ZNF483: variants seen among roughly 807,000 people sequenced by gnomAD.
The protein encoded by ZNF483 is zinc finger protein 483, also known as zinc finger protein HIT-10.
In ZNF483, 9 loss-of-function variants were observed where a neutral mutation model predicts 28.6. The observed-to-expected ratio is 0.32, with a 90% CI of 0.19 to 0.55. ZNF483 has a LOEUF of 0.55. Ranked by LOEUF, ZNF483 falls within the 20% of genes least tolerant of loss-of-function variation. The probability of loss-of-function intolerance (pLI) is 0.93; values close to 1 mark genes in which losing one functional copy is unlikely to be tolerated. For missense variants in ZNF483, 675 were observed against 871.7 expected (o/e 0.77, Z 2.84); for synonymous variants, 322 against 306.2 (o/e 1.05, Z -0.54).
chr9:111,527,891 G>C (rs1243406237), intron 2 of ZNF483, 84 bp downstream of exon 2: 1 of 1,605,930 alleles, frequency 6.2e-7, no homozygotes, highest in African/African-American at 1.3e-5. Context: ...GCAATTTACT[G>C]CTAAAGAGGA....
downstream of ZNF483, among the ~76,000 whole-genome samples, chr9:111,559,865 CA>C (rs1316932471): frequency 6.6e-6 from 1 of 152,188 alleles, no homozygotes. Context: ...CCCTGTCCTT[CA>C]GGCATTCCTT....
In ZNF483 at chr9:111,549,777, T is replaced by A. The variant is rs1232166201; in HGVS notation, c.*6607T>A. On this transcript the variant is annotated 3_prime_UTR_variant, in exon 6 of 6. Transcript: ENST00000309235. ...TCATTTTTCTGCTTTGAAGCTTCAA[T>A]CTTCTTCATTTTCTCTTTTGATCTG... The A allele has an allele frequency of 1.3e-6, 2 of 1,548,212 alleles. No homozygotes were observed. The highest frequency in any genetic ancestry group is 3.9e-5 in the Admixed American group (2 of 50,932).
chr9:111,577,962 G>C (rs76986254), downstream of ZNF483: 10,412 of 152,194 alleles, frequency 0.068, 547 homozygotes, highest in East Asian at 0.25. Flanking sequence ...GGGGAGGAGG[G>C]TGGTAATGGA....
chr9:111,572,756 CAAAAAAAA>C (rs58101079), intron 5 of ZNF483, among the ~76,000 whole-genome samples: 23 of 63,498 alleles, frequency 3.6e-4, no homozygotes, highest in East Asian at 2.0e-3. Context: ...GACCCTGTCT[CAAAAAAAA>C]AAAAAAAAAA....
At chr9:111,537,189 A>G (rs777682142) in intron 5 of ZNF483, among the ~76,000 whole-genome samples, 26 of 151,986 alleles carry the variant, frequency 1.7e-4, no homozygotes, top group Non-Finnish European at 1.8e-4. Context: ...TCCTGGAGAC[A>G]TAAACTGCTT....
At chr9:111,563,424 C>A (rs530909530) in intron 5 of ZNF483, 26 of 489,284 alleles carry the variant, frequency 5.3e-5, no homozygotes, top group African/African-American at 4.8e-4. Flanking sequence ...AAAAAGATTA[C>A]AAAGTACACC....
downstream of ZNF483, among the ~76,000 whole-genome samples, chr9:111,557,537 C>G (rs1289224956): frequency 6.6e-6 from 1 of 151,874 alleles, no homozygotes; most frequent in Non-Finnish European, 1.5e-5. Context: ...CCTCCGCCTC[C>G]CGGGTTCAAG....
chr9:111,527,522 G>T lies in ZNF483; in HGVS notation c.127G>T (p.Gly43Ter), dbSNP rs770764843. The T allele has an allele frequency of 6.2e-7, 1 of 1,614,216 alleles. No homozygotes were observed. Residue 43 changes from glycine to a stop codon, truncating the protein, a stop_gained, in exon 2 of 6, where the codon GGA (glycine) becomes TGA (stop). Coordinates refer to ENST00000309235, the MANE Select transcript of ZNF483 (RefSeq NM_133464.5). LOFTEE classifies it high-confidence loss of function. Reference sequence around the variant, plus strand: ...TGGGGAACAAGAAGCTATTTTAAGAGGAAATGCTGCTGATGCAGAGTCTTT... The same window carrying T: ...TGGGGAACAAGAAGCTATTTTAAGATGAAATGCTGCTGATGCAGAGTCTTT... ...TSGEQEAILR[G>*]NAADAESFRQ...
rs1447699150 is a variant in ZNF483 at position 111,530,946 on chromosome 9, C to A, written c.484C>A (p.Pro162Thr). 1 of 1,537,178 alleles carries A rather than the reference C, an allele frequency of 6.5e-7. No individual in the cohort carries two copies. The change falls in exon 3 of 6, where the codon CCC becomes ACC. Residue 162 changes from proline to threonine, a missense_variant. By Grantham distance (38) the Pro-to-Thr change is conservative. This residue lies in a region of ZNF483 where 525 missense variants were observed against 581.8 expected (regional missense o/e 0.90). Coordinates refer to ENST00000309235, the MANE Select transcript of ZNF483 (RefSeq NM_133464.5). ...AGAGGATAAAATGGTCACTGTTTGT[C>A]CCAATACTGAGTCCTGTGTAAGTTT... The part of the protein sequence containing the change: ...SKEDKMVTVC[P>T]NTESCESITL...
exon 6 of ZNF483, chr9:111,576,628 G>T (rs768389250): frequency 7.6e-6 from 4 of 527,754 alleles, no homozygotes; most frequent in African/African-American, 3.8e-5. Flanking sequence ...CTACTAGGAT[G>T]AGTTGTTTTA....
chr9:111,563,332 C>T, intron 5 of ZNF483: 1 of 1,213,820 alleles, frequency 8.2e-7, no homozygotes, highest in Non-Finnish European at 1.1e-6. Flanking sequence ...TCATTGGAAA[C>T]CTTGAAAATA....
rs564912026 is a variant in ZNF483, at chr9:111,550,402, C to A, written c.*7232C>A. ...TGGAGGAAGTGGCTATTATTGTCCA[C>A]CCTGGCTGCAGCAAGCTGACCCAGA... is the stretch of plus-strand genomic sequence containing the variant. On this transcript the variant is annotated 3_prime_UTR_variant, in exon 6 of 6. Transcript: ENST00000309235. Among the ~76,000 whole-genome samples the A allele has an allele frequency of 1.2e-4, 18 of 152,188 alleles. No homozygotes were observed. Among genetic ancestry groups the A allele is most frequent in the Non-Finnish European group, 2.2e-4 (15 of 68,038 alleles).
rs1474738946 is a variant in ZNF483 at position 111,560,972 on chromosome 9, TATAGAGAGAG to T, written c.722-15391_722-15382del. ...ATATATATATATATATATATATATA[TATAGAGAGAG>T]AGAGAGAGAGAGAGAGAGAGAGAGA... On this transcript the variant is annotated intron_variant, in intron 5 of 5. Transcript: ENST00000358151. Among the ~76,000 whole-genome samples the T allele has an allele frequency of 8.4e-4, 18 of 21,320 alleles. 1 individual carries two copies. Among genetic ancestry groups the T allele is most frequent in the East Asian group, 1.4e-3 (1 of 706 alleles). The allele number at this position is 21,320 out of a possible 152,430, so 14.0% of individuals were successfully genotyped here.
chr9:111,548,169 G>A lies in ZNF483; in HGVS notation c.*4999G>A, dbSNP rs145821060. Reference sequence around the variant, plus strand: ...AAGATTTCAAATGAATTTTAGGATGGTTTGTTTGTTTTTGTGGAAAATGGC... The same window carrying A: ...AAGATTTCAAATGAATTTTAGGATGATTTGTTTGTTTTTGTGGAAAATGGC... On this transcript the variant is annotated 3_prime_UTR_variant, in exon 6 of 6. Coordinates refer to ENST00000309235, the MANE Select transcript of ZNF483 (RefSeq NM_133464.5). Among the ~76,000 whole-genome samples the A allele has an allele frequency of 1.4e-4, 21 of 152,244 alleles. No individual in the cohort carries two copies. Among genetic ancestry groups the A allele is most frequent in the Non-Finnish European group, 2.2e-4 (15 of 67,996 alleles).
intron 5 of ZNF483, chr9:111,563,085 A>G (rs1828382327): frequency 6.2e-7 from 1 of 1,604,252 alleles, no homozygotes; most frequent in African/African-American, 1.3e-5. Flanking sequence ...TTAACTAATC[A>G]TCTAAATGGC....
intron 5 of ZNF483, chr9:111,570,034 G>A (rs1225929777): frequency 6.2e-7 from 1 of 1,607,038 alleles, no homozygotes; most frequent in Admixed American, 1.7e-5. Context: ...AGCCTTGAGA[G>A]GCAAAGGGAG....
At chr9:111,560,915 C>T (rs1249917258) in intron 5 of ZNF483, among the ~76,000 whole-genome samples, 1 of 133,496 alleles carries the variant, frequency 7.5e-6, no homozygotes, top group Non-Finnish European at 1.6e-5. Context: ...TGCACTCCAG[C>T]CTGGGCAACA....
rs1827987648 is a variant in ZNF483, at chr9:111,552,240, C to T, written c.*9070C>T. 6.6e-6 allele frequency among the ~76,000 whole-genome samples: 1 copy of T among 152,100 alleles called. No homozygotes were observed. Among genetic ancestry groups the T allele is most frequent in the African/African-American group, 2.4e-5 (1 of 41,416 alleles). On this transcript the variant is annotated 3_prime_UTR_variant, in exon 6 of 6. Transcript: ENST00000309235. ...ATCCTTATAAAATTCTTTTGTAAGTCATCCAGGTAACATTGGTAAAGAAAC... is the reference window on the plus strand; with the variant it reads ...ATCCTTATAAAATTCTTTTGTAAGTTATCCAGGTAACATTGGTAAAGAAAC...
chr9:111,535,499 A>G (rs191932664), intron 5 of ZNF483, among the ~76,000 whole-genome samples: 5 of 152,368 alleles, frequency 3.3e-5, no homozygotes, highest in African/African-American at 9.6e-5. Flanking sequence ...GATTTTTAAT[A>G]TCTGGAAAAC....
Sources: allele counts gnomAD v4.1 joint callset (sites outside exome capture counted in the v4.1 genomes callset), GRCh38; gene constraint gnomAD v4.1.1; regional missense constraint gnomAD v4.1.1; transcripts MANE v1.5; gene names NCBI Gene and HGNC (gene_info 2026-07-23, HGNC 2026-07-21).